CHM: variants seen among roughly 807,000 people sequenced by gnomAD.
CHM encodes the protein rab proteins geranylgeranyltransferase component A 1.
Under a neutral mutation model 49.0 loss-of-function variants are expected in CHM, and 10 were observed. That is an observed-to-expected ratio of 0.20 (90% CI 0.13 to 0.35). The LOEUF (loss-of-function observed/expected upper bound fraction) is 0.35, where lower values mean the gene tolerates loss of function less well. CHM is among the 10% of genes least tolerant of loss of function. The pLI is 1.00. For missense variants in CHM, 455 were observed against 478.4 expected (o/e 0.95, Z 0.46); for synonymous variants, 184 against 167.5 (o/e 1.10, Z -0.76).
At chrX:85,942,767 T>A (rs1330393117) in intron 8 of CHM, among the ~76,000 whole-genome samples, 6 of 106,605 alleles carry the variant, frequency 5.6e-5, no homozygotes, top group East Asian at 2.9e-4. Flanking sequence ...TTTTTTTTTT[T>A]ATATATATAT....
chrX:85,884,870 G>T (rs1048967451), intron 12 of CHM, among the ~76,000 whole-genome samples: 6 of 110,903 alleles, frequency 5.4e-5, no homozygotes, highest in African/African-American at 2.0e-4. Flanking sequence ...AGAAAAAAGT[G>T]GTTGAGAAGT....
At chrX:85,955,358 AAC>A (rs1422742634) in intron 8 of CHM, among the ~76,000 whole-genome samples, 1 of 111,620 alleles carries the variant, frequency 9.0e-6, no homozygotes, top group Non-Finnish European at 1.9e-5. Flanking sequence ...GTACCCCACA[AAC>A]ACATATGCCT....
chrX:86,009,649 A>G (rs1037201445), intron 2 of CHM, among the ~76,000 whole-genome samples: 2 of 112,643 alleles, frequency 1.8e-5, no homozygotes, highest in Non-Finnish European at 3.7e-5. Context: ...AATTGAAAGT[A>G]TCAACACAGA....
Position 85,965,507 on chromosome X carries a change from C to T in CHM, c.315-1455G>A, listed in dbSNP as rs12006886. ...CCTCACGACACCTACCACACTGCTC[C>T]ATAGATGTGGTATCCAATAAATGCT... is the stretch of plus-strand genomic sequence containing the variant. On this transcript the variant is annotated intron_variant, in intron 4 of 14. Coordinates refer to ENST00000357749, the MANE Select transcript of CHM (RefSeq NM_000390.4). Among the ~76,000 whole-genome samples, 35,814 of 110,351 alleles carry T rather than the reference C, an allele frequency of 0.32. 4,434 individuals are homozygous for T. The highest frequency in any genetic ancestry group is 0.41 in the Admixed American group (4,216 of 10,313).
At chrX:85,983,358 G>A (rs1450658595) in intron 2 of CHM, among the ~76,000 whole-genome samples, 1 of 110,221 alleles carries the variant, frequency 9.1e-6, no homozygotes, top group Non-Finnish European at 1.9e-5. Context: ...CCTACAAGCA[G>A]TGACCCCTTG....
intron 8 of CHM, among the ~76,000 whole-genome samples, chrX:85,946,137 T>C (rs1210064410): frequency 8.9e-6 from 1 of 112,537 alleles, no homozygotes; most frequent in South Asian, 3.6e-4. Context: ...TTGGAACTTA[T>C]ATTTAATGGG....
At chrX:85,874,432 A>G (rs1296277878) in intron 13 of CHM, among the ~76,000 whole-genome samples, 2 of 111,776 alleles carry the variant, frequency 1.8e-5, no homozygotes, top group African/African-American at 6.5e-5. Flanking sequence ...AAAATGCTAA[A>G]GGCATAATTA....
chrX:86,020,808 C>G (rs1165919309), intron 2 of CHM, among the ~76,000 whole-genome samples: 3 of 101,319 alleles, frequency 3.0e-5, no homozygotes, highest in Non-Finnish European at 6.0e-5. Context: ...TATATAAGAG[C>G]AGTAGATGCT....
In CHM at chrX:85,862,432, T is replaced by C. The variant is rs1923405640; in HGVS notation, c.*2198A>G. ...GGAACCTTTTATAATATATTGCTGA[T>C]ATCCAGGGGCAAGGCCAATATCCGG... On this transcript the variant is annotated 3_prime_UTR_variant, in exon 15 of 15. Transcript: ENST00000357749. 1 of 112,611 alleles carries C rather than the reference T, an allele frequency of 8.9e-6. No homozygotes were observed. Among genetic ancestry groups the C allele is most frequent in the Non-Finnish European group, 1.9e-5 (1 of 53,278 alleles). The allele number at this position is 112,611 out of a possible 1,213,427, so 9.3% of individuals were successfully genotyped here.
intron 12 of CHM, among the ~76,000 whole-genome samples, chrX:85,890,624 T>G (rs1344106437): frequency 8.9e-6 from 1 of 112,213 alleles, no homozygotes; most frequent in African/African-American, 3.2e-5. Context: ...GCCTTTTGCC[T>G]CCTGCCATGA....
intron 2 of CHM, among the ~76,000 whole-genome samples, chrX:86,021,848 A>C: frequency 8.9e-6 from 1 of 111,987 alleles, no homozygotes; most frequent in East Asian, 2.8e-4. Context: ...CCTAGAAAGG[A>C]AGGAAATCCT....
intron 2 of CHM, among the ~76,000 whole-genome samples, chrX:86,005,496 A>T (rs1932833097): frequency 8.9e-6 from 1 of 111,959 alleles, no homozygotes; most frequent in African/African-American, 3.2e-5. Context: ...TGAAAAGATC[A>T]ACAAAATTGA....
At chrX:85,936,220 C>A (rs1015590319) in intron 8 of CHM, among the ~76,000 whole-genome samples, 1 of 111,778 alleles carries the variant, frequency 8.9e-6, no homozygotes, top group Non-Finnish European at 1.9e-5. Context: ...AATGTTAATA[C>A]CAAATCTAGT....
intron 7 of CHM, 30 bp from the exon 8 acceptor site, chrX:85,956,408 A>C: frequency 8.4e-7 from 1 of 1,186,872 alleles, no homozygotes; most frequent in East Asian, 3.1e-5. Context: ...TATCACTTAA[A>C]ATCAGAACTA....
At chrX:85,874,346 G>C (rs1294654030) in intron 13 of CHM, among the ~76,000 whole-genome samples, 1 of 111,286 alleles carries the variant, frequency 9.0e-6, no homozygotes, top group Non-Finnish European at 1.9e-5. Flanking sequence ...CTGAACAAAA[G>C]TTCAAATTTT....
intron 12 of CHM, among the ~76,000 whole-genome samples, chrX:85,893,055 GA>G (rs1925581017): frequency 9.0e-6 from 1 of 111,595 alleles, no homozygotes; most frequent in Non-Finnish European, 1.9e-5. Flanking sequence ...ACTAGACTGT[GA>G]ATCTCCTATG....
chrX:86,030,675 C>T (rs1233818552), intron 1 of CHM, among the ~76,000 whole-genome samples: 1 of 110,901 alleles, frequency 9.0e-6, no homozygotes, highest in African/African-American at 3.3e-5. Context: ...GAAAGAAACA[C>T]TCCCTCTGTA....
intron 12 of CHM, among the ~76,000 whole-genome samples, chrX:85,888,382 T>A (rs1414407921): frequency 1.6e-4 from 18 of 112,696 alleles, no homozygotes; most frequent in Non-Finnish European, 2.1e-4. Flanking sequence ...CTTGAGGCTT[T>A]GAAGAAAACA....
In CHM at chrX:85,863,543, G is replaced by A. The variant is rs966982737; in HGVS notation, c.*1087C>T. 5 of 111,733 alleles carry A rather than the reference G, an allele frequency of 4.5e-5. No individual in the cohort carries two copies. The highest frequency in any genetic ancestry group is 9.8e-5 in the African/African-American group (3 of 30,739). The allele number at this position is 111,733 out of a possible 1,213,427, so 9.2% of individuals were successfully genotyped here. A position where few individuals can be genotyped will look rare whatever the true frequency, so the allele number is the denominator to read the frequency against. On this transcript the variant is annotated 3_prime_UTR_variant, in exon 15 of 15. Transcript: ENST00000357749. ...ATTCTACTTGTTACTATTTTTACTG[G>A]TCTGTAAGACTATAAAATACTACTT...
Sources: allele counts gnomAD v4.1 joint callset (sites outside exome capture counted in the v4.1 genomes callset), GRCh38; gene constraint gnomAD v4.1.1; transcripts MANE v1.5; gene names NCBI Gene and HGNC (gene_info 2026-07-23, HGNC 2026-07-21).